Variants in TMOD1 observed in about 807,000 individuals in gnomAD.
TMOD1 encodes the protein tropomodulin-1.
A neutral mutation model predicts 40.6 loss-of-function variants in TMOD1; 17 were observed. The observed-to-expected ratio is 0.42, with a 90% CI of 0.29 to 0.63. TMOD1 has a LOEUF of 0.63. TMOD1 is among the 20% of genes least tolerant of loss of function. The pLI is 0.22. For synonymous variants in TMOD1, 181 were observed against 175.0 expected, an observed-to-expected ratio of 1.03 and a Z score of -0.27; for missense variants, 391 against 447.6, an observed-to-expected ratio of 0.87 and a Z score of 1.14.
chr9:97,534,265 C>T (rs549242854), intron 2 of TMOD1, among the ~76,000 whole-genome samples: 67 of 152,224 alleles, frequency 4.4e-4, no homozygotes, highest in African/African-American at 1.4e-3. Flanking sequence ...GAATCGGGGA[C>T]GATTTGGAGT....
At chr9:97,504,759 A>G (rs1829565204) in intron 1 of TMOD1, among the ~76,000 whole-genome samples, 1 of 152,180 alleles carries the variant, frequency 6.6e-6, no homozygotes, top group African/African-American at 2.4e-5. Flanking sequence ...CTGAAATGAC[A>G]TCATCTATCG....
chr9:97,582,060 A>T (rs1445958274), intron 8 of TMOD1, among the ~76,000 whole-genome samples: 1 of 152,166 alleles, frequency 6.6e-6, no homozygotes, highest in East Asian at 1.9e-4. Context: ...TTTAGACATG[A>T]TGTCCTTGCC....
chr9:97,509,519 G>T (rs5899311), intron 1 of TMOD1, among the ~76,000 whole-genome samples: 33,232 of 75,222 alleles, frequency 0.44, 5,107 homozygotes, highest in African/African-American at 0.55. Flanking sequence ...TTTGTTTTTT[G>T]TTTTTTTTTT....
chr9:97,511,457 A>G (rs1829696979), intron 1 of TMOD1, among the ~76,000 whole-genome samples: 1 of 152,110 alleles, frequency 6.6e-6, no homozygotes, highest in African/African-American at 2.4e-5. Flanking sequence ...ACCACCATCA[A>G]TCAAGACATC....
At chr9:97,584,906 G>T (rs1204806834) in intron 8 of TMOD1, among the ~76,000 whole-genome samples, 5 of 152,314 alleles carry the variant, frequency 3.3e-5, no homozygotes, top group Admixed American at 6.5e-5. Flanking sequence ...GTCTCTGCAA[G>T]TGAGATGGGT....
chr9:97,585,192 C>G (rs1179015892), intron 8 of TMOD1, among the ~76,000 whole-genome samples: 1 of 152,156 alleles, frequency 6.6e-6, no homozygotes, highest in Admixed American at 6.5e-5. Flanking sequence ...TCTTGTAAGG[C>G]AGGCCTGGTG....
chr9:97,591,286 T>G lies in TMOD1; in HGVS notation c.871-5T>G, dbSNP rs1433061954. Reference sequence around the variant, plus strand: ...TTTTTATTTTTTATTTTTTCTTGACTAAAGAGCCAGCCCCTGGGCAACAAA... The same window carrying G: ...TTTTTATTTTTTATTTTTTCTTGACGAAAGAGCCAGCCCCTGGGCAACAAA... On this transcript the variant is annotated splice_polypyrimidine_tract_variant and splice_region_variant and intron_variant, in intron 8 of 9. Coordinates refer to ENST00000259365, the MANE Select transcript of TMOD1 (RefSeq NM_003275.4). The G allele has an allele frequency of 3.7e-6, 6 of 1,612,356 alleles. No individual in the cohort carries two copies. Among genetic ancestry groups the G allele is most frequent in the Non-Finnish European group, 5.1e-6 (6 of 1,179,426 alleles).
chr9:97,599,473 G>A (rs1826200739), intron 9 of TMOD1, among the ~76,000 whole-genome samples, 161 bp from the exon 10 acceptor site: 1 of 152,160 alleles, frequency 6.6e-6, no homozygotes, highest in Non-Finnish European at 1.5e-5. Context: ...AGACTGGAGG[G>A]CTGTTGTACA....
At position 97,581,072 on chromosome 9, in the gene TMOD1, C is replaced by T. The variant is rs1376166779; in HGVS notation, c.871-10219C>T. 2.0e-5 allele frequency among the ~76,000 whole-genome samples: 3 copies of T among 147,566 alleles called. No individual in the cohort carries two copies. The East Asian group carries it at 6.0e-4, about 29-fold the overall frequency. ...GGTTAGTTACATATGTATACATGTG[C>T]CATGCTGGTGCGCTGCACCCACTAA... On this transcript the variant is annotated intron_variant, in intron 8 of 9. Transcript: ENST00000259365.
intron 8 of TMOD1, among the ~76,000 whole-genome samples, chr9:97,576,422 C>T (rs1033974033): frequency 6.6e-6 from 1 of 152,034 alleles, no homozygotes; most frequent in Non-Finnish European, 1.5e-5. Context: ...CTGCTGCACT[C>T]TAGCCTGGGC....
chr9:97,573,076 T>C (rs1830846263), intron 8 of TMOD1, among the ~76,000 whole-genome samples: 1 of 152,106 alleles, frequency 6.6e-6, no homozygotes, highest in African/African-American at 2.4e-5. Flanking sequence ...CAGAGCTCGG[T>C]TGGAGCTGCA....
At chr9:97,587,128 G>A (rs1452838153) in intron 8 of TMOD1, among the ~76,000 whole-genome samples, 1 of 152,232 alleles carries the variant, frequency 6.6e-6, no homozygotes, top group Non-Finnish European at 1.5e-5. Context: ...TGGTGTGGAT[G>A]TACCAGGGTT....
intron 6 of TMOD1, among the ~76,000 whole-genome samples, chr9:97,565,119 A>G (rs1279606558): frequency 1.3e-5 from 2 of 152,330 alleles, no homozygotes; most frequent in African/African-American, 4.8e-5. Flanking sequence ...AATGCTGCCC[A>G]CTGGCAGTGA....
chr9:97,581,355 T>C (rs1355122989), intron 8 of TMOD1, among the ~76,000 whole-genome samples: 2 of 151,506 alleles, frequency 1.3e-5, no homozygotes, highest in African/African-American at 4.9e-5. Context: ...TAGTATTCCA[T>C]GGTGTATATG....
At chr9:97,527,582 CTT>C (rs1159595554) in intron 2 of TMOD1, among the ~76,000 whole-genome samples, 2 of 150,856 alleles carry the variant, frequency 1.3e-5, no homozygotes, top group African/African-American at 4.9e-5. Flanking sequence ...GGATGGGAAT[CTT>C]AGTGTGGTTT....
chr9:97,556,885 G>A (rs911683886), intron 4 of TMOD1, among the ~76,000 whole-genome samples: 2 of 152,144 alleles, frequency 1.3e-5, no homozygotes, highest in South Asian at 4.1e-4. Flanking sequence ...GAGCGGTTCC[G>A]GGCTGGGGAG....
Position 97,564,143 on chromosome 9 carries a change from A to C in TMOD1, c.593A>C (p.Glu198Ala). 6.2e-7 allele frequency: 1 copy of C among 1,610,454 alleles called. No homozygotes were observed. The highest frequency in any genetic ancestry group is 1.1e-5 in the South Asian group (1 of 90,456). ...ERIKNNDPKLEEVNLNNIRNI... is the reference protein window; with the variant it reads ...ERIKNNDPKLAEVNLNNIRNI... ...ATAAAGAACAACGACCCAAAACTTG[A>C]AGAAGTTAACCTCAATAATATCCGG... is the stretch of plus-strand genomic sequence containing the variant. Residue 198 changes from glutamate (E) to alanine (A), a missense_variant, in exon 6 of 10, where the codon GAA becomes GCA. Transcript: ENST00000259365.
At chr9:97,562,591 G>C (rs1386684701) in intron 4 of TMOD1, 141 bp from the exon 5 acceptor site, 14 of 603,002 alleles carry the variant, frequency 2.3e-5, no homozygotes, top group Non-Finnish European at 3.7e-5. Flanking sequence ...GAGAGTAAAA[G>C]TAAAATAAAA....
At chr9:97,514,709 T>C (rs1209915289) in intron 1 of TMOD1, among the ~76,000 whole-genome samples, 6 of 152,242 alleles carry the variant, frequency 3.9e-5, no homozygotes, top group Admixed American at 3.9e-4. Flanking sequence ...CCTAATGTCC[T>C]GGCACAGGGG....
Sources: gnomAD v4.1 joint callset for allele counts (sites outside exome capture counted in the v4.1 genomes callset) on GRCh38, gnomAD v4.1.1 for gene constraint, MANE v1.5 for transcripts, NCBI Gene and HGNC (gene_info 2026-07-23, HGNC 2026-07-21) for gene names.